FRMPD4: variants seen among roughly 807,000 people sequenced by gnomAD.
FRMPD4 encodes FERM and PDZ domain containing 4, also known as FERM and PDZ domain-containing protein 4.
FRMPD4 carries 22 observed loss-of-function variants against 94.1 expected under a neutral mutation model. The observed-to-expected ratio is 0.23, with a 90% confidence interval of 0.17 to 0.33. The LOEUF is 0.33. Among genes scored for constraint, FRMPD4 ranks in the 10% least tolerant of loss-of-function variants. The pLI, the probability that FRMPD4 is intolerant of heterozygous loss-of-function variation, is 1.00. For synonymous variants in FRMPD4, 631 were observed against 548.6 expected, an observed-to-expected ratio of 1.15 and a Z score of -2.10; for missense variants, 1,111 against 1,339.9, an observed-to-expected ratio of 0.83 and a Z score of 2.67.
chrX:12,184,386 A>G lies in FRMPD4; in HGVS notation c.41+45374A>G, dbSNP rs1601671608. Among the ~76,000 whole-genome samples the G allele has an allele frequency of 2.7e-5, 3 of 111,915 alleles. No individual in the cohort carries two copies. In the Middle Eastern group the frequency reaches 0.014, roughly 516 times the overall value. ...ACCGTTGAGTTTGATTTCAAAGTTC[A>G]GTCTCTGGTGGCCAGTCACACACAT... On this transcript the variant is annotated intron_variant, in intron 1 of 16. Transcript: ENST00000675598.
intron 1 of FRMPD4, among the ~76,000 whole-genome samples, chrX:11,858,434 T>C (rs745671660): frequency 9.0e-6 from 1 of 111,265 alleles, no homozygotes; most frequent in African/African-American, 3.3e-5. Flanking sequence ...CCATTATCCT[T>C]AGCAAACTAA....
chrX:12,505,728 A>G (rs1390702344), intron 2 of FRMPD4, among the ~76,000 whole-genome samples: 2 of 38,884 alleles, frequency 5.1e-5, no homozygotes, highest in African/African-American at 3.9e-4. Context: ...ACTCCATCCG[A>G]AAAAAAAAAA....
At chrX:12,426,546 T>G (rs2056946764) in intron 1 of FRMPD4, among the ~76,000 whole-genome samples, 1 of 111,770 alleles carries the variant, frequency 8.9e-6, no homozygotes, top group African/African-American at 3.3e-5. Context: ...TTGTTATTCT[T>G]TCTCATCAGG....
At chrX:12,163,217 G>A (rs1241428391) in intron 1 of FRMPD4, among the ~76,000 whole-genome samples, 1 of 110,583 alleles carries the variant, frequency 9.0e-6, no homozygotes, top group Non-Finnish European at 1.9e-5. Flanking sequence ...AGATATCCAG[G>A]GTCTAATGAT....
At chrX:11,870,701 A>G (rs977706836) in intron 2 of FRMPD4, among the ~76,000 whole-genome samples, 1 of 111,490 alleles carries the variant, frequency 9.0e-6, no homozygotes, top group African/African-American at 3.3e-5. Flanking sequence ...AAACGTGAAA[A>G]TTCTTTGCAA....
At position 12,290,648 on chromosome X, in the gene FRMPD4, T is replaced by C. The variant is rs139730799; in HGVS notation, c.41+151636T>C. On this transcript the variant is annotated intron_variant, in intron 1 of 16. Coordinates refer to ENST00000675598, the MANE Select transcript of FRMPD4 (RefSeq NM_001368397.1). The stretch of plus-strand genomic sequence containing the variant: ...AGAGACACACATGTATTTTCTTTAA[T>C]ATTGTGTAGTACTCATATTTATATT... Among the ~76,000 whole-genome samples, 539 of 112,141 alleles carry C rather than the reference T, an allele frequency of 4.8e-3. 2 individuals are homozygous for C. The highest frequency in any genetic ancestry group is 0.016 in the African/African-American group (503 of 30,867).
intron 3 of FRMPD4, among the ~76,000 whole-genome samples, chrX:11,898,263 C>A (rs1314292623): frequency 9.0e-6 from 1 of 111,249 alleles, no homozygotes; most frequent in African/African-American, 3.3e-5. Context: ...TGGCATGGGG[C>A]AACCTGACTG....
intron 3 of FRMPD4, among the ~76,000 whole-genome samples, chrX:11,910,981 G>A (rs1314615869): frequency 2.7e-5 from 3 of 109,911 alleles, no homozygotes; most frequent in Non-Finnish European, 5.7e-5. Context: ...TAGAGAGATT[G>A]TCTATTCTCC....
rs188588808 is a variant in FRMPD4, at chrX:12,584,628, A to G, written c.159-25093A>G. On this transcript the variant is annotated intron_variant, in intron 2 of 16. Coordinates refer to ENST00000675598, the MANE Select transcript of FRMPD4 (RefSeq NM_001368397.1). ...ACCTTAACCCAAGTTAGCATCACCA[A>G]TAATGGGAAAAATGGACTTCTGCTT... 1.6e-3 allele frequency among the ~76,000 whole-genome samples: 177 copies of G among 112,410 alleles called. 4 individuals carry two copies. The highest frequency in any genetic ancestry group is 0.015 in the Admixed American group (157 of 10,651).
At chrX:12,022,855 C>A (rs1029275829) in intron 3 of FRMPD4, among the ~76,000 whole-genome samples, 1 of 111,198 alleles carries the variant, frequency 9.0e-6, no homozygotes. Context: ...CTCTGTCTCA[C>A]GTCCCCCAAT....
At chrX:12,665,438 C>T (rs1200263104) in intron 4 of FRMPD4, among the ~76,000 whole-genome samples, 16 of 82,301 alleles carry the variant, frequency 1.9e-4, no homozygotes, top group South Asian at 1.2e-3. Context: ...AGCGAGACTC[C>T]GTCTCAAAAA....
chrX:12,716,001 T>TAG, intron 14 of FRMPD4, 68 bp from the exon 15 acceptor site: 4 of 231,655 alleles, frequency 1.7e-5, no homozygotes, highest in East Asian at 1.7e-4. Flanking sequence ...GAGACGAGCC[T>TAG]CCCACCCCCG....
Position 11,999,442 on chromosome X carries a change from A to G in FRMPD4, c.95+121424A>G, listed in dbSNP as rs751318032. ...CATAAATTAACATGGAGTATTAATAATGAAACAGTAACCATTGAATCAGAA... is the reference window on the plus strand; with the variant it reads ...CATAAATTAACATGGAGTATTAATAGTGAAACAGTAACCATTGAATCAGAA... On this transcript the variant is annotated intron_variant, in intron 3 of 18. Coordinates refer to the FRMPD4 transcript ENST00000640291. Among the ~76,000 whole-genome samples the G allele has an allele frequency of 8.9e-5, 10 of 112,578 alleles. No individual in the cohort carries two copies. The South Asian group carries it at 2.9e-3, about 33-fold the overall frequency.
chrX:11,907,427 A>G (rs908094261), intron 3 of FRMPD4, among the ~76,000 whole-genome samples: 63 of 112,435 alleles, frequency 5.6e-4, no homozygotes, highest in African/African-American at 1.9e-3. Flanking sequence ...ACAAATTACC[A>G]TAGACTGAGT....
At chrX:12,428,963 C>CTT (rs926775459) in intron 1 of FRMPD4, among the ~76,000 whole-genome samples, 1 of 111,666 alleles carries the variant, frequency 9.0e-6, no homozygotes, top group Non-Finnish European at 1.9e-5. Flanking sequence ...GATTGATAGA[C>CTT]TTCACTGTGG....
intron 1 of FRMPD4, among the ~76,000 whole-genome samples, chrX:12,306,251 T>C (rs1287828614): frequency 1.8e-5 from 2 of 111,662 alleles, no homozygotes; most frequent in Non-Finnish European, 3.8e-5. Context: ...TTTCCTTATG[T>C]TTCTCAAAGC....
At chrX:12,094,703 T>C (rs1196434694) in intron 3 of FRMPD4, among the ~76,000 whole-genome samples, 1 of 112,493 alleles carries the variant, frequency 8.9e-6, no homozygotes, top group Non-Finnish European at 1.9e-5. Flanking sequence ...ATTCTGTGTC[T>C]GAGTTTTCTC....
chrX:12,487,848 T>C (rs2148206263), intron 1 of FRMPD4, among the ~76,000 whole-genome samples: 1 of 112,243 alleles, frequency 8.9e-6, no homozygotes, highest in East Asian at 2.8e-4. Context: ...ACAATGGTCA[T>C]GGTAAATAAA....
At chrX:12,638,930 T>C (rs1222582097) in intron 4 of FRMPD4, among the ~76,000 whole-genome samples, 1 of 111,538 alleles carries the variant, frequency 9.0e-6, no homozygotes, top group Non-Finnish European at 1.9e-5. Context: ...CCATTATGGC[T>C]GTCCGCAGCT....
Sources: gnomAD v4.1 joint callset for allele counts (sites outside exome capture counted in the v4.1 genomes callset) on GRCh38, gnomAD v4.1.1 for gene constraint, MANE v1.5 for transcripts, NCBI Gene and HGNC (gene_info 2026-07-23, HGNC 2026-07-21) for gene names.